The following ADK variants were observed in gnomAD, a reference collection of about 807,000 sequenced individuals.
The protein encoded by ADK is adenosine kinase.
Under a neutral mutation model 44.7 loss-of-function variants are expected in ADK, and 24 were observed. The observed-to-expected ratio is 0.54, with a 90% CI of 0.39 to 0.76. The LOEUF (loss-of-function observed/expected upper bound fraction) is 0.76, where lower values mean the gene tolerates loss of function less well. ADK is among the 30% of genes least tolerant of loss of function. The probability of loss-of-function intolerance (pLI) is 0.00; values close to 1 mark genes in which losing one functional copy is unlikely to be tolerated. For synonymous variants in ADK, 128 were observed against 142.6 expected (o/e 0.90, Z 0.73); for missense variants, 321 against 425.1 (o/e 0.76, Z 2.15).
intron 6 of ADK, among the ~76,000 whole-genome samples, chr10:74,436,461 T>A (rs976233068): frequency 1.5e-5 from 2 of 134,090 alleles, no homozygotes; most frequent in Non-Finnish European, 3.3e-5. Flanking sequence ...ATCCTCTTAG[T>A]CTTCATTTAC....
At chr10:74,319,885 A>G (rs879074819) in intron 4 of ADK, among the ~76,000 whole-genome samples, 1 of 152,154 alleles carries the variant, frequency 6.6e-6, no homozygotes, top group Admixed American at 6.6e-5. Context: ...CTCTTCTTAT[A>G]TATTATTACG....
At chr10:74,319,784 A>G (rs1024820274) in intron 4 of ADK, among the ~76,000 whole-genome samples, 1 of 152,154 alleles carries the variant, frequency 6.6e-6, no homozygotes, top group African/African-American at 2.4e-5. Flanking sequence ...TTGAATTACA[A>G]TGAACATTCT....
At chr10:74,365,946 G>T (rs1244776758) in intron 4 of ADK, among the ~76,000 whole-genome samples, 1 of 152,106 alleles carries the variant, frequency 6.6e-6, no homozygotes. Context: ...TTGTATTTAT[G>T]ATTTGCCTTT....
At chr10:74,505,480 C>T (rs776389122) in intron 6 of ADK, among the ~76,000 whole-genome samples, 2 of 151,174 alleles carry the variant, frequency 1.3e-5, no homozygotes, top group Non-Finnish European at 2.9e-5. Flanking sequence ...TGAATTACTC[C>T]AAGATCCGTA....
At chr10:74,415,556 C>A (rs1372703638) in intron 6 of ADK, among the ~76,000 whole-genome samples, 1 of 152,094 alleles carries the variant, frequency 6.6e-6, no homozygotes, top group Non-Finnish European at 1.5e-5. Flanking sequence ...TTGTTGCTAT[C>A]TTTTCAGATA....
intron 4 of ADK, among the ~76,000 whole-genome samples, chr10:74,375,930 T>G (rs1350233653): frequency 1.3e-5 from 2 of 152,138 alleles, no homozygotes; most frequent in African/African-American, 4.8e-5. Flanking sequence ...TTGTTGTTTT[T>G]ACACTTTTGG....
intron 9 of ADK, chr10:74,641,475 G>A (rs1010624597): frequency 1.3e-5 from 2 of 152,248 alleles, no homozygotes; most frequent in Admixed American, 6.5e-5. Context: ...TTGGTCTTAA[G>A]TTATCAGTAT....
intron 4 of ADK, among the ~76,000 whole-genome samples, chr10:74,333,913 A>G (rs1841319856): frequency 6.6e-6 from 1 of 152,150 alleles, no homozygotes; most frequent in Non-Finnish European, 1.5e-5. Context: ...TGTTTTTTTA[A>G]GGGAAGATTT....
rs1020354834 is a variant in ADK, at chr10:74,326,160, A to T, written c.273+11415A>T. On this transcript the variant is annotated intron_variant, in intron 4 of 10. Coordinates refer to ENST00000539909, the MANE Select transcript of ADK (RefSeq NM_006721.4). The stretch of plus-strand genomic sequence containing the variant: ...GATTTTTCTTCTATGTTCATCGGAG[A>T]CATTGGCCTATAGTTTTCTTATTTT... Among the ~76,000 whole-genome samples, 11 of 152,038 alleles carry T rather than the reference A, an allele frequency of 7.2e-5. 1 individual carries two copies.
intron 9 of ADK, among the ~76,000 whole-genome samples, chr10:74,661,945 CAG>C (rs1854749717): frequency 1.3e-5 from 2 of 152,182 alleles, no homozygotes; most frequent in Non-Finnish European, 2.9e-5. Flanking sequence ...GAGGATCTAA[CAG>C]AGTATCATAA....
At chr10:74,589,391 C>A in intron 8 of ADK, 74 bp downstream of exon 8, 1 of 1,464,006 alleles carries the variant, frequency 6.8e-7, no homozygotes, top group Non-Finnish European at 9.6e-7. Context: ...TTCTTTTGGA[C>A]AGTGATTGAT....
At chr10:74,323,861 C>T (rs1400983762) in intron 4 of ADK, among the ~76,000 whole-genome samples, 1 of 151,716 alleles carries the variant, frequency 6.6e-6, no homozygotes, top group Non-Finnish European at 1.5e-5. Context: ...TGAGCCACCG[C>T]TCCCGGCCCC....
At chr10:74,307,932 A>G (rs955948196) in intron 3 of ADK, among the ~76,000 whole-genome samples, 1 of 152,194 alleles carries the variant, frequency 6.6e-6, no homozygotes, top group Non-Finnish European at 1.5e-5. Flanking sequence ...ACTGTCCTGC[A>G]GTATTTTTCT....
intron 7 of ADK, among the ~76,000 whole-genome samples, chr10:74,535,959 A>AT (rs1849435029): frequency 6.6e-6 from 1 of 152,066 alleles, no homozygotes; most frequent in African/African-American, 2.4e-5. Context: ...TATGAAAGCT[A>AT]TTTTTTGTTC....
intron 3 of ADK, among the ~76,000 whole-genome samples, chr10:74,258,842 C>T (rs1238338307): frequency 1.3e-5 from 2 of 151,618 alleles, no homozygotes; most frequent in Non-Finnish European, 2.9e-5. Flanking sequence ...AATTGTTATT[C>T]ATGTTACTAA....
At chr10:74,246,562 G>T (rs1170627195) in intron 3 of ADK, among the ~76,000 whole-genome samples, 1 of 152,174 alleles carries the variant, frequency 6.6e-6, no homozygotes, top group African/African-American at 2.4e-5. Flanking sequence ...TCAGATTAGG[G>T]ATTAAAACAG....
At chr10:74,204,803 G>T (rs1843528075) in intron 2 of ADK, among the ~76,000 whole-genome samples, 1 of 152,034 alleles carries the variant, frequency 6.6e-6, no homozygotes, top group Non-Finnish European at 1.5e-5. Flanking sequence ...CAGCACTTTT[G>T]GAGGCTGAGG....
At chr10:74,684,817 G>T (rs897116943) in intron 10 of ADK, among the ~76,000 whole-genome samples, 1 of 152,078 alleles carries the variant, frequency 6.6e-6, no homozygotes, top group Non-Finnish European at 1.5e-5. Context: ...TCCAGTTTGC[G>T]TCTTTATTAC....
At chr10:74,705,286 GCAGCAGC>G (rs1856562067) in intron 10 of ADK, among the ~76,000 whole-genome samples, 1 of 151,314 alleles carries the variant, frequency 6.6e-6, no homozygotes, top group Admixed American at 6.6e-5. Context: ...AGTGTTAACT[GCAGCAGC>G]TCAGCAGCTC....
Sources: allele counts gnomAD v4.1 joint callset (sites outside exome capture counted in the v4.1 genomes callset), GRCh38; gene constraint gnomAD v4.1.1; transcripts MANE v1.5; gene names NCBI Gene and HGNC (gene_info 2026-07-23, HGNC 2026-07-21).